The following BRD10 variants were observed in gnomAD, a reference collection of about 807,000 sequenced individuals.
BRD10 encodes uncharacterized bromodomain-containing protein 10.
the BRD10 span, among the ~76,000 whole-genome samples, chr9:5,918,641 GCTT>G: frequency 8.8e-6 from 1 of 113,128 alleles, no homozygotes; most frequent in Non-Finnish European, 1.9e-5. Flanking sequence ...GCCGTTAGTG[GCTT>G]TTTTTTTTTT....
chr9:6,007,829 G>C, the BRD10 span: 4 of 1,415,880 alleles, frequency 2.8e-6, no homozygotes, highest in Non-Finnish European at 3.7e-6. Context: ...ACAGCCGCTC[G>C]AGGTGCTGGG....
At chr9:5,897,580 C>G in the BRD10 span, 2 of 1,614,146 alleles carry the variant, frequency 1.2e-6, no homozygotes, top group East Asian at 4.5e-5. Context: ...GGCATCCTGA[C>G]AGTGATCCTG....
the BRD10 span, among the ~76,000 whole-genome samples, chr9:5,976,710 G>A: frequency 2.0e-5 from 3 of 150,446 alleles, no homozygotes; most frequent in South Asian, 4.2e-4. Flanking sequence ...TAAGATAAAG[G>A]AACTAGGAAG....
At chr9:5,950,544 T>C in the BRD10 span, among the ~76,000 whole-genome samples, 2 of 152,198 alleles carry the variant, frequency 1.3e-5, no homozygotes, top group African/African-American at 4.8e-5. Context: ...TGCAGATTAC[T>C]GGTACCCACT....
chr9:5,917,011 TA>T, the BRD10 span, among the ~76,000 whole-genome samples: 1 of 152,278 alleles, frequency 6.6e-6, no homozygotes, highest in East Asian at 1.9e-4. Flanking sequence ...ATTTCTAGTT[TA>T]AAAAATGGAG....
chr9:6,007,334 C>G, the BRD10 span: 7 of 1,613,746 alleles, frequency 4.3e-6, no homozygotes, highest in Non-Finnish European at 5.9e-6. Flanking sequence ...GTGATGCCCC[C>G]GTACTGGCCG....
chr9:5,969,972 A>G, the BRD10 span, among the ~76,000 whole-genome samples: 1 of 152,240 alleles, frequency 6.6e-6, no homozygotes. Context: ...ATTATCCTCA[A>G]GGTAAATTCT....
chr9:5,946,529 T>C, the BRD10 span, among the ~76,000 whole-genome samples: 1 of 152,076 alleles, frequency 6.6e-6, no homozygotes, highest in African/African-American at 2.4e-5. Flanking sequence ...AACAATGTTG[T>C]CCCTACCGTG....
At chr9:5,920,302 A>C in the BRD10 span, 1 of 1,613,988 alleles carries the variant, frequency 6.2e-7, no homozygotes, top group Non-Finnish European at 8.5e-7. Flanking sequence ...GTGGTGGAAC[A>C]ATAAACCGGG....
chr9:5,892,139 C>T, the BRD10 span, among the ~76,000 whole-genome samples: 56 of 152,288 alleles, frequency 3.7e-4, no homozygotes, highest in Non-Finnish European at 1.8e-4. Context: ...GGTGCAGAGT[C>T]AAATTGAAGG....
At chr9:5,981,457 G>A in the BRD10 span, among the ~76,000 whole-genome samples, 6 of 152,164 alleles carry the variant, frequency 3.9e-5, no homozygotes, top group Non-Finnish European at 8.8e-5. Flanking sequence ...TCCTGGCAGA[G>A]GAGAGACACT....
chr9:5,979,475 G>A, the BRD10 span, among the ~76,000 whole-genome samples: 1 of 151,160 alleles, frequency 6.6e-6, no homozygotes, highest in Non-Finnish European at 1.5e-5. Flanking sequence ...ATCACATCAT[G>A]CCAGCCTGGG....
At chr9:5,985,373 T>G in the BRD10 span, among the ~76,000 whole-genome samples, 22 of 152,206 alleles carry the variant, frequency 1.4e-4, no homozygotes, top group Non-Finnish European at 2.8e-4. Flanking sequence ...ATTTAAAAAA[T>G]GGATGATTTG....
the BRD10 span, chr9:5,906,961 G>C: frequency 3.1e-6 from 5 of 1,599,328 alleles, no homozygotes; most frequent in Admixed American, 7.0e-5. Context: ...CATCGGGACA[G>C]CAAAGTGTCT....
chr9:5,948,788 A>T, the BRD10 span, among the ~76,000 whole-genome samples: 1 of 152,162 alleles, frequency 6.6e-6, no homozygotes, highest in African/African-American at 2.4e-5. Context: ...AAGATCCTGT[A>T]ATTTATTATA....
At chr9:6,007,412 C>G in the BRD10 span, 1 of 1,607,536 alleles carries the variant, frequency 6.2e-7, no homozygotes. Context: ...AAGGCGCGAC[C>G]GCCCCGGCCC....
At chr9:6,002,227 A>G in the BRD10 span, among the ~76,000 whole-genome samples, 1 of 152,206 alleles carries the variant, frequency 6.6e-6, no homozygotes, top group Non-Finnish European at 1.5e-5. Context: ...ACAGGTGCTC[A>G]ATAAATGTCT....
chr9:5,882,053 C>A, the BRD10 span, among the ~76,000 whole-genome samples: 8,057 of 152,274 alleles, frequency 0.053, 693 homozygotes, highest in African/African-American at 0.18. Flanking sequence ...TCCATAGTCT[C>A]CTGCAGGATT....
At chr9:5,900,341 A>C in the BRD10 span, among the ~76,000 whole-genome samples, 96,686 of 151,978 alleles carry the variant, frequency 0.64, 32,815 homozygotes, top group Non-Finnish European at 0.75. Context: ...ATCGTGTTTA[A>C]ATTTCCTGGT....
Sources: gnomAD v4.1 joint callset for allele counts (sites outside exome capture counted in the v4.1 genomes callset) on GRCh38, gnomAD v4.1.1 for gene constraint, MANE v1.5 for transcripts, NCBI Gene and HGNC (gene_info 2026-07-23, HGNC 2026-07-21) for gene names.